Variants in STK32A observed in about 807,000 individuals in gnomAD.
STK32A encodes the protein serine/threonine-protein kinase 32A.
Under a neutral mutation model 53.2 loss-of-function variants are expected in STK32A, and 41 were observed. The ratio of observed to expected loss-of-function variants is 0.77; its 90% confidence interval spans 0.60 to 1.00. The LOEUF is 1.00. Ranked by LOEUF, STK32A falls within the 50% of genes least tolerant of loss-of-function variation. The pLI, the probability that STK32A is intolerant of heterozygous loss-of-function variation, is 0.00. For synonymous variants in STK32A, 166 were observed against 162.8 expected (o/e 1.02, Z -0.15); for missense variants, 458 against 485.8 (o/e 0.94, Z 0.54).
At chr5:147,364,711 G>A (rs1368140636) in intron 8 of STK32A, among the ~76,000 whole-genome samples, 1 of 152,128 alleles carries the variant, frequency 6.6e-6, no homozygotes, top group Non-Finnish European at 1.5e-5. Context: ...CGGAGAGAGA[G>A]ATAATCTCTT....
intron 7 of STK32A, among the ~76,000 whole-genome samples, chr5:147,357,008 T>C (rs989190801): frequency 6.6e-6 from 1 of 152,140 alleles, no homozygotes; most frequent in African/African-American, 2.4e-5. Context: ...TTTTGTGTTC[T>C]CACCACAGAA....
chr5:147,338,250 G>A (rs116502492), intron 5 of STK32A, among the ~76,000 whole-genome samples: 490 of 152,218 alleles, frequency 3.2e-3, no homozygotes, highest in Non-Finnish European at 5.8e-3. Context: ...TGAGTCTCAT[G>A]AGATATGATG....
intron 2 of STK32A, among the ~76,000 whole-genome samples, chr5:147,251,640 C>T (rs956862864): frequency 2.0e-5 from 3 of 152,158 alleles, no homozygotes; most frequent in Non-Finnish European, 4.4e-5. Context: ...CATCAAACAC[C>T]CATTATGTGC....
At chr5:147,351,846 A>AAAACAAAC (rs554914252) in intron 7 of STK32A, among the ~76,000 whole-genome samples, 3 of 152,106 alleles carry the variant, frequency 2.0e-5, no homozygotes, top group East Asian at 1.9e-4. Context: ...ATTTCGTCTC[A>AAAACAAAC]AAACAAACAA....
intron 2 of STK32A, among the ~76,000 whole-genome samples, chr5:147,261,375 C>A (rs1393629509): frequency 2.6e-5 from 4 of 152,102 alleles, no homozygotes; most frequent in Admixed American, 1.3e-4. Context: ...ATGCATGTGG[C>A]CCTTGCTGCT....
the STK32A span, chr5:147,395,527 C>T: frequency 5.7e-6 from 9 of 1,586,618 alleles, no homozygotes; most frequent in Non-Finnish European, 7.7e-6. Flanking sequence ...CTTCCCCCTT[C>T]TCTTATCTTT....
intron 5 of STK32A, among the ~76,000 whole-genome samples, chr5:147,340,571 T>C (rs1755356513): frequency 6.6e-6 from 1 of 152,200 alleles, no homozygotes; most frequent in Non-Finnish European, 1.5e-5. Flanking sequence ...TCCTGGTATG[T>C]GAATAAACAA....
At chr5:147,364,084 G>A (rs545998056) in intron 8 of STK32A, among the ~76,000 whole-genome samples, 2 of 151,898 alleles carry the variant, frequency 1.3e-5, no homozygotes, top group East Asian at 1.9e-4. Flanking sequence ...GCATGGTGGT[G>A]GATGCCTGTA....
chr5:147,378,719 T>C (rs977814901), intron 11 of STK32A, among the ~76,000 whole-genome samples: 1 of 152,042 alleles, frequency 6.6e-6, no homozygotes, highest in Admixed American at 6.6e-5. Context: ...CTCTGAGTTC[T>C]CTATTCTGTT....
intron 4 of STK32A, among the ~76,000 whole-genome samples, chr5:147,315,259 T>C (rs1470641767): frequency 6.6e-6 from 1 of 152,230 alleles, no homozygotes; most frequent in Non-Finnish European, 1.5e-5. Flanking sequence ...GGGACTCAAA[T>C]AGATACTTGC....
At chr5:147,397,788 T>C in the STK32A span, 10 of 1,614,016 alleles carry the variant, frequency 6.2e-6, no homozygotes, top group African/African-American at 1.3e-5. Flanking sequence ...CCCTGGCAGA[T>C]GACAACCAGA....
At chr5:147,292,894 G>A (rs1752671189) in intron 4 of STK32A, among the ~76,000 whole-genome samples, 1 of 152,038 alleles carries the variant, frequency 6.6e-6, no homozygotes, top group African/African-American at 2.4e-5. Flanking sequence ...TTCTCTATCA[G>A]TTCAGTTCCA....
rs977435361 is a variant in STK32A at position 147,386,503 on chromosome 5, C to T, written c.*2520C>T. The stretch of plus-strand genomic sequence containing the variant: ...TTACACTTACCAAAGAGCCATGGAA[C>T]CATTAGGATCTCCACTGTGATGAGA... On this transcript the variant is annotated 3_prime_UTR_variant, in exon 13 of 13. Transcript: ENST00000397936. The T allele has an allele frequency of 6.6e-6, 1 of 152,174 alleles. No homozygotes were observed. Among genetic ancestry groups the T allele is most frequent in the African/African-American group, 2.4e-5 (1 of 41,432 alleles). 9.4% of individuals were successfully genotyped at this position (152,174 alleles called of 1,614,324 possible).
At chr5:147,381,413 C>T (rs1757446873) in intron 11 of STK32A, among the ~76,000 whole-genome samples, 1 of 152,130 alleles carries the variant, frequency 6.6e-6, no homozygotes, top group Non-Finnish European at 1.5e-5. Context: ...GAGGCTGAGG[C>T]AGGCGGATCA....
intron 2 of STK32A, among the ~76,000 whole-genome samples, chr5:147,251,836 GC>G (rs1330217797): frequency 6.6e-6 from 1 of 152,128 alleles, no homozygotes. Flanking sequence ...CCACTCTTGA[GC>G]TTTGCTTAGC....
intron 2 of STK32A, among the ~76,000 whole-genome samples, chr5:147,276,728 A>G (rs1322827287): frequency 6.6e-6 from 1 of 152,210 alleles, no homozygotes; most frequent in African/African-American, 2.4e-5. Context: ...CTCAGAAGTC[A>G]AGGAGTTTCA....
At chr5:147,239,515 G>A (rs1318239649) in intron 1 of STK32A, 24 bp from the exon 2 acceptor site, 4 of 713,780 alleles carry the variant, frequency 5.6e-6, no homozygotes, top group Non-Finnish European at 9.4e-6. Flanking sequence ...TATTATTAGG[G>A]TACTATTTCT....
the STK32A span, among the ~76,000 whole-genome samples, chr5:147,395,973 C>T: frequency 6.6e-6 from 1 of 152,032 alleles, no homozygotes; most frequent in Non-Finnish European, 1.5e-5. Context: ...AAGGACGTTG[C>T]TATGGGGTTG....
chr5:147,349,525 T>A (rs1212639493), intron 6 of STK32A, among the ~76,000 whole-genome samples: 2 of 152,216 alleles, frequency 1.3e-5, no homozygotes, highest in African/African-American at 4.8e-5. Flanking sequence ...CCTGAGCTTT[T>A]GGCACGGCCC....
Sources: allele counts gnomAD v4.1 joint callset (sites outside exome capture counted in the v4.1 genomes callset), GRCh38; gene constraint gnomAD v4.1.1; transcripts MANE v1.5; gene names NCBI Gene and HGNC (gene_info 2026-07-23, HGNC 2026-07-21).